TRIT1: variants seen among roughly 807,000 people sequenced by gnomAD.
The protein encoded by TRIT1 is tRNA isopentenyltransferase 1.
A neutral mutation model predicts 51.2 loss-of-function variants in TRIT1; 43 were observed. The observed-to-expected ratio is 0.84, with a 90% CI of 0.66 to 1.08. The LOEUF (loss-of-function observed/expected upper bound fraction) is 1.08, where lower values mean the gene tolerates loss of function less well. Ranked by LOEUF, TRIT1 falls within the 50% of genes least tolerant of loss-of-function variation. The pLI, the probability that TRIT1 is intolerant of heterozygous loss-of-function variation, is 0.00. For missense variants in TRIT1, 528 were observed against 578.4 expected (o/e 0.91, Z 0.89); for synonymous variants, 184 against 203.9 (o/e 0.90, Z 0.83).
intron 1 of TRIT1, among the ~76,000 whole-genome samples, chr1:39,871,476 G>T (rs902974147): frequency 2.0e-5 from 3 of 151,346 alleles, no homozygotes; most frequent in Non-Finnish European, 4.4e-5. Context: ...GCTACTTGGG[G>T]TGCTGAGGTA....
intron 1 of TRIT1, among the ~76,000 whole-genome samples, chr1:39,864,164 G>T (rs559078795): frequency 2.4e-4 from 37 of 152,064 alleles, no homozygotes; most frequent in African/African-American, 8.4e-4. Context: ...GGGATTACAG[G>T]TATGAGCCAC....
rs769889660 is a variant in TRIT1 at position 39,852,888 on chromosome 1, T to C, written c.415-12A>G. ...CCCATCTCCTGGGGCTATTAAATGA[T>C]GGTTTAGAAGTATATTTAATTCAAC... On this transcript the variant is annotated splice_polypyrimidine_tract_variant and intron_variant, in intron 3 of 10. Transcript: ENST00000316891. The C allele has an allele frequency of 6.2e-7, 1 of 1,613,924 alleles. No individual in the cohort carries two copies.
Position 39,883,437 on chromosome 1 carries a change from G to A in TRIT1, c.55C>T (p.Leu19=). 6.2e-7 allele frequency: 1 copy of A among 1,613,216 alleles called. No individual in the cohort carries two copies. Among genetic ancestry groups the A allele is most frequent in the African/African-American group, 1.3e-5 (1 of 75,034 alleles). ...AVPVGSGLRG[L]QRTLPLVVIL... is the part of the protein sequence containing the mutation. ...ACTACAAGAGGTAGGGTCCGTTGCA[G>A]GCCCCTGAGCCCACTGCCCACGGGA... Residue 19 remains leucine, a synonymous_variant, in exon 1 of 11, where the codon CTG becomes TTG. Transcript: ENST00000316891.
intron 5 of TRIT1, among the ~76,000 whole-genome samples, chr1:39,848,329 G>C (rs369071444): frequency 6.6e-6 from 1 of 152,014 alleles, no homozygotes; most frequent in Non-Finnish European, 1.5e-5. Context: ...TCATTATATA[G>C]AGAAAGCATA....
chr1:39,863,299 T>C (rs374660974), intron 1 of TRIT1, among the ~76,000 whole-genome samples: 10 of 152,278 alleles, frequency 6.6e-5, no homozygotes, highest in African/African-American at 2.4e-4. Context: ...ACTCCATCTC[T>C]ACCAAAAATT....
intron 1 of TRIT1, among the ~76,000 whole-genome samples, chr1:39,877,413 A>G (rs143051202): frequency 1.2e-4 from 18 of 151,882 alleles, no homozygotes; most frequent in African/African-American, 4.1e-4. Context: ...CTTACTAGTC[A>G]GACTGCCAAA....
Position 39,880,268 on chromosome 1 carries a change from TAAA to T in TRIT1, c.174+3047_174+3049del, listed in dbSNP as rs1553148795. 2.5e-3 allele frequency among the ~76,000 whole-genome samples: 235 copies of T among 94,902 alleles called. 2 individuals are homozygous for T. The highest frequency in any genetic ancestry group is 7.8e-3 in the African/African-American group (201 of 25,802). The allele number at this position is 94,902 out of a possible 152,430, so 62.3% of individuals were successfully genotyped here. A position where few individuals can be genotyped will look rare whatever the true frequency, so the allele number is the denominator to read the frequency against. On this transcript the variant is annotated intron_variant, in intron 1 of 10. Transcript: ENST00000316891. ...CGGGGCAACAGAGCAAGACCTCAAA[TAAA>T]AAAAAAAAAAAAAAAAAAAAAAGAA...
rs1251512241 is a variant in TRIT1, at chr1:39,844,172, G to T, written c.1163C>A (p.Ala388Asp). 1 of 1,614,070 alleles carries T rather than the reference G, an allele frequency of 6.2e-7. No homozygotes were observed. Among genetic ancestry groups the T allele is most frequent in the Non-Finnish European group, 8.5e-7 (1 of 1,180,028 alleles). Residue 388 changes from alanine to aspartate, a missense_variant, in exon 10 of 11, where the codon GCT becomes GAT. Physicochemically the swap from Ala to Asp is moderately radical, Grantham distance 126. Around this residue, in one of 3 missense-constraint regions of TRIT1, gnomAD observed 468 missense variants for 522.6 expected, o/e 0.90. Coordinates refer to ENST00000316891, the MANE Select transcript of TRIT1 (RefSeq NM_017646.6). ...ATPIKMPYNE[A>D]ENKRSYHLCD... ...CAGGTGATAACTTCTCTTGTTCTCAGCTTCATTGTATGGCATCTTTATTGG... is the reference window on the plus strand; with the variant it reads ...CAGGTGATAACTTCTCTTGTTCTCATCTTCATTGTATGGCATCTTTATTGG...
intron 1 of TRIT1, among the ~76,000 whole-genome samples, chr1:39,869,932 C>G (rs926974999): frequency 6.6e-6 from 1 of 150,974 alleles, no homozygotes; most frequent in Non-Finnish European, 1.5e-5. Context: ...GTCCGGGAGG[C>G]GGGGGGCGCC....
intron 1 of TRIT1, among the ~76,000 whole-genome samples, chr1:39,870,597 T>A (rs538177662): frequency 8.0e-6 from 1 of 125,166 alleles, no homozygotes; most frequent in Non-Finnish European, 1.7e-5. Flanking sequence ...TACCAGTACA[T>A]AGAACTGCGG....
In TRIT1 at chr1:39,841,207, C is replaced by T. The variant is rs1382226729; in HGVS notation, c.*537G>A. 2 of 152,214 alleles carry T rather than the reference C, an allele frequency of 1.3e-5. No individual in the cohort carries two copies. Among genetic ancestry groups the T allele is most frequent in the South Asian group, 2.1e-4 (1 of 4,826 alleles). The allele number at this position is 152,214 out of a possible 1,614,324, so 9.4% of individuals were successfully genotyped here. On this transcript the variant is annotated 3_prime_UTR_variant, in exon 11 of 11. Coordinates refer to ENST00000316891, the MANE Select transcript of TRIT1 (RefSeq NM_017646.6). ...GTCACAGCTTCCTCAGTCTGATTCC[C>T]TCCTTCTCTGTAGAATTCTGAGAAC...
chr1:39,880,175 AAAC>A (rs10628850), intron 1 of TRIT1, among the ~76,000 whole-genome samples: 27,970 of 147,258 alleles, frequency 0.19, 2,771 homozygotes, highest in Non-Finnish European at 0.22. Flanking sequence ...CTCCGTCTCA[AAAC>A]AACAACAACA....
chr1:39,844,691 T>C, intron 8 of TRIT1, 51 bp from the exon 9 acceptor site: 1 of 1,325,582 alleles, frequency 7.5e-7, no homozygotes, highest in Non-Finnish European at 1.1e-6. Flanking sequence ...ACCCAATCTA[T>C]TCTGCAGCCA....
At chr1:39,873,892 G>A (rs1488170446) in intron 1 of TRIT1, among the ~76,000 whole-genome samples, 7 of 152,064 alleles carry the variant, frequency 4.6e-5, no homozygotes, top group African/African-American at 1.2e-4. Flanking sequence ...TTATGGTGGC[G>A]TATGCCTGTA....
intron 1 of TRIT1, among the ~76,000 whole-genome samples, chr1:39,880,572 G>A (rs1004593174): frequency 2.0e-5 from 3 of 152,114 alleles, no homozygotes; most frequent in Non-Finnish European, 4.4e-5. Context: ...AGGCCAAGGC[G>A]GGCGGATCAT....
intron 1 of TRIT1, 102 bp downstream of exon 1, chr1:39,883,216 C>T: frequency 2.3e-6 from 3 of 1,290,980 alleles, no homozygotes; most frequent in Non-Finnish European, 3.2e-6. Flanking sequence ...CTACCCCCTC[C>T]GCCCCTACAA....
At chr1:39,846,749 G>A (rs773428573) in intron 8 of TRIT1, among the ~76,000 whole-genome samples, 5 of 152,170 alleles carry the variant, frequency 3.3e-5, no homozygotes, top group Non-Finnish European at 5.9e-5. Context: ...CCTCAAAAAT[G>A]CTGTTCAACT....
At chr1:39,853,719 C>A (rs540315637) in intron 3 of TRIT1, among the ~76,000 whole-genome samples, 2 of 152,162 alleles carry the variant, frequency 1.3e-5, no homozygotes, top group Non-Finnish European at 2.9e-5. Context: ...GCCTAATGAA[C>A]TGTTAATTTA....
intron 8 of TRIT1, among the ~76,000 whole-genome samples, chr1:39,846,793 T>C (rs554278483): frequency 6.6e-6 from 1 of 152,314 alleles, no homozygotes; most frequent in African/African-American, 2.4e-5. Flanking sequence ...AAGCACCATG[T>C]GGAGACGCTG....
Sources: gnomAD v4.1 joint callset for allele counts (sites outside exome capture counted in the v4.1 genomes callset) on GRCh38, gnomAD v4.1.1 for gene constraint, gnomAD v4.1.1 regional missense constraint, MANE v1.5 for transcripts, NCBI Gene and HGNC (gene_info 2026-07-23, HGNC 2026-07-21) for gene names.